The following ADAMTS19 variants were observed in gnomAD, a reference collection of about 807,000 sequenced individuals.
The protein encoded by ADAMTS19 is ADAM metallopeptidase with thrombospondin type 1 motif 19.
A neutral mutation model predicts 153.3 loss-of-function variants in ADAMTS19; 93 were observed. The observed-to-expected ratio is 0.61, with a 90% confidence interval of 0.51 to 0.72. The LOEUF (loss-of-function observed/expected upper bound fraction) is 0.72, where lower values mean the gene tolerates loss of function less well. Among genes scored for constraint, ADAMTS19 ranks in the 30% least tolerant of loss-of-function variants. ADAMTS19 has a pLI of 0.00. For synonymous variants in ADAMTS19, 600 were observed against 556.6 expected (o/e 1.08, Z -1.10); for missense variants, 1,482 against 1,552.1 (o/e 0.95, Z 0.76).
intron 20 of ADAMTS19, 126 bp from the exon 21 acceptor site, chr5:129,704,113 A>T: frequency 1.0e-6 from 1 of 987,696 alleles, no homozygotes; most frequent in Non-Finnish European, 1.5e-6. Context: ...TATTATTTAT[A>T]ATTTTATCTG....
intron 8 of ADAMTS19, among the ~76,000 whole-genome samples, chr5:129,606,955 T>G (rs1265785413): frequency 6.6e-6 from 1 of 152,134 alleles, no homozygotes; most frequent in Non-Finnish European, 1.5e-5. Flanking sequence ...TCTCACTCTG[T>G]TGCCCAGACT....
intron 8 of ADAMTS19, among the ~76,000 whole-genome samples, chr5:129,603,560 T>C (rs1023148959): frequency 6.6e-6 from 1 of 152,154 alleles, no homozygotes; most frequent in Non-Finnish European, 1.5e-5. Flanking sequence ...TTATTGTGTA[T>C]GGTTTTAGGA....
intron 20 of ADAMTS19, 85 bp downstream of exon 20, chr5:129,701,677 C>A: frequency 7.1e-7 from 1 of 1,404,220 alleles, no homozygotes; most frequent in Non-Finnish European, 9.6e-7. Context: ...TCAGAATCTG[C>A]ATTGAAGTTG....
At chr5:129,610,692 T>C (rs910131722) in intron 8 of ADAMTS19, among the ~76,000 whole-genome samples, 3 of 152,106 alleles carry the variant, frequency 2.0e-5, no homozygotes, top group African/African-American at 7.2e-5. Flanking sequence ...TCTATCACTG[T>C]TGGACATTTG....
At chr5:129,613,422 T>C (rs572913438) in intron 8 of ADAMTS19, among the ~76,000 whole-genome samples, 6 of 152,008 alleles carry the variant, frequency 3.9e-5, no homozygotes, top group Non-Finnish European at 7.4e-5. Context: ...GAACAACCTG[T>C]TCCTGAATGA....
At chr5:129,537,804 A>C (rs980311595) in intron 6 of ADAMTS19, among the ~76,000 whole-genome samples, 1 of 152,106 alleles carries the variant, frequency 6.6e-6, no homozygotes, top group African/African-American at 2.4e-5. Flanking sequence ...GAGGGATAGC[A>C]TTAGGAGATA....
intron 3 of ADAMTS19, among the ~76,000 whole-genome samples, chr5:129,517,500 T>C (rs539538211): frequency 2.0e-5 from 3 of 152,124 alleles, no homozygotes; most frequent in Non-Finnish European, 4.4e-5. Flanking sequence ...AAAATTGTTA[T>C]ATCCTCTTGT....
chr5:129,543,872 T>C (rs1752752952), intron 6 of ADAMTS19, among the ~76,000 whole-genome samples: 1 of 152,214 alleles, frequency 6.6e-6, no homozygotes, highest in Admixed American at 6.5e-5. Flanking sequence ...ATTTTTGTTA[T>C]TTATAACTAG....
intron 10 of ADAMTS19, among the ~76,000 whole-genome samples, chr5:129,633,411 C>A (rs1375636844): frequency 6.6e-6 from 1 of 152,082 alleles, no homozygotes; most frequent in African/African-American, 2.4e-5. Flanking sequence ...TTCTACATAG[C>A]CAGTAATTTT....
intron 2 of ADAMTS19, among the ~76,000 whole-genome samples, chr5:129,498,458 T>C (rs1750995126): frequency 6.6e-6 from 1 of 152,110 alleles, no homozygotes; most frequent in Non-Finnish European, 1.5e-5. Flanking sequence ...ATCCTGTTTC[T>C]TCTGGTACTA....
intron 2 of ADAMTS19, among the ~76,000 whole-genome samples, chr5:129,480,175 C>T (rs927494499): frequency 1.4e-4 from 22 of 152,018 alleles, no homozygotes. Flanking sequence ...AGAAAGTTAC[C>T]GATGTAATTC....
rs576324815 is a variant in ADAMTS19 at position 129,668,447 on chromosome 5, G to A, written c.2506+2868G>A. 2.6e-5 allele frequency among the ~76,000 whole-genome samples: 4 copies of A among 152,190 alleles called. No homozygotes were observed. The South Asian group carries it at 8.3e-4, about 32-fold the overall frequency. ...CAAGATCAAGGCACTAATAGATTTGGTGCCCTTTAAGGGCTCATTTCCTGA... is the reference window on the plus strand; with the variant it reads ...CAAGATCAAGGCACTAATAGATTTGATGCCCTTTAAGGGCTCATTTCCTGA... On this transcript the variant is annotated intron_variant, in intron 16 of 22. Transcript: ENST00000274487.
intron 11 of ADAMTS19, among the ~76,000 whole-genome samples, chr5:129,643,367 C>CAAAAAAAAAAAAAAAAAAAAAAAA (rs556007087): frequency 2.5e-5 from 1 of 40,350 alleles, no homozygotes; most frequent in Non-Finnish European, 5.1e-5. Flanking sequence ...GTTTCAAAGA[C>CAAAAAAAAAAAAAAAAAAAAAAAA]AAAAAAAAAA....
chr5:129,541,346 C>A (rs1215027712), intron 6 of ADAMTS19, among the ~76,000 whole-genome samples: 1 of 151,834 alleles, frequency 6.6e-6, no homozygotes, highest in Non-Finnish European at 1.5e-5. Flanking sequence ...ATCAAATAGT[C>A]ATGTTGCAGG....
Position 129,707,564 on chromosome 5 carries a change from A to C in ADAMTS19, c.3312+3173A>C, listed in dbSNP as rs1041697763. On this transcript the variant is annotated intron_variant, in intron 21 of 22. Coordinates refer to ENST00000274487, the MANE Select transcript of ADAMTS19 (RefSeq NM_133638.6). ...TTCATGTTAAAATGAAGACCATCCCAAAATAATTACAGAGAAAAGGAATAA... is the reference window on the plus strand; with the variant it reads ...TTCATGTTAAAATGAAGACCATCCCCAAATAATTACAGAGAAAAGGAATAA... Among the ~76,000 whole-genome samples the C allele has an allele frequency of 2.6e-5, 4 of 152,208 alleles. No homozygotes were observed. The South Asian group carries it at 8.3e-4, about 31-fold the overall frequency.
intron 21 of ADAMTS19, among the ~76,000 whole-genome samples, chr5:129,730,347 C>CT: frequency 6.6e-6 from 1 of 152,118 alleles, no homozygotes; most frequent in South Asian, 2.1e-4. Context: ...TTGCAGAAAG[C>CT]TAAGAATTCA....
At chr5:129,554,537 C>T (rs1380777694) in intron 7 of ADAMTS19, among the ~76,000 whole-genome samples, 2 of 152,094 alleles carry the variant, frequency 1.3e-5, no homozygotes, top group Non-Finnish European at 2.9e-5. Context: ...GAATGCAACC[C>T]TGATCACTAT....
At chr5:129,659,654 C>T (rs151005707) in intron 15 of ADAMTS19, among the ~76,000 whole-genome samples, 337 of 152,212 alleles carry the variant, frequency 2.2e-3, no homozygotes, top group African/African-American at 7.7e-3. Context: ...GTGCATGGCT[C>T]ACTGCAGCCT....
intron 2 of ADAMTS19, among the ~76,000 whole-genome samples, chr5:129,481,279 A>G (rs1469989624): frequency 6.6e-6 from 1 of 152,166 alleles, no homozygotes; most frequent in Non-Finnish European, 1.5e-5. Flanking sequence ...AAGTGCAGGG[A>G]AAACTGCCAC....
Sources: allele counts gnomAD v4.1 joint callset (sites outside exome capture counted in the v4.1 genomes callset), GRCh38; gene constraint gnomAD v4.1.1; transcripts MANE v1.5; gene names NCBI Gene and HGNC (gene_info 2026-07-23, HGNC 2026-07-21).